The following MMP26 variants were observed in gnomAD, a reference collection of about 807,000 sequenced individuals.
The protein encoded by MMP26 is matrix metallopeptidase 26.
A neutral mutation model predicts 31.0 loss-of-function variants in MMP26; 33 were observed. The observed-to-expected ratio is 1.06, with a 90% CI of 0.81 to 1.42. The LOEUF (loss-of-function observed/expected upper bound fraction) is 1.42, where lower values mean the gene tolerates loss of function less well. Ranked by LOEUF, MMP26 falls within the 40% of genes most tolerant of loss-of-function variation. MMP26 has a pLI of 0.00. For synonymous variants in MMP26, 122 were observed against 114.9 expected (o/e 1.06, Z -0.40); for missense variants, 347 against 316.1 (o/e 1.10, Z -0.74).
chr11:4,927,946 C>A (rs1851295791), intron 2 of MMP26, among the ~76,000 whole-genome samples: 1 of 152,000 alleles, frequency 6.6e-6, no homozygotes, highest in South Asian at 2.1e-4. Context: ...CTAAATGATA[C>A]TTTCAAGATG....
intron 2 of MMP26, among the ~76,000 whole-genome samples, chr11:4,931,702 G>A (rs561645693): frequency 6.6e-6 from 1 of 152,064 alleles, no homozygotes; most frequent in Non-Finnish European, 1.5e-5. Context: ...AATACTGAAG[G>A]TGCAGCAAGG....
chr11:4,930,040 A>G (rs1851324657), intron 2 of MMP26, among the ~76,000 whole-genome samples: 1 of 152,136 alleles, frequency 6.6e-6, no homozygotes, highest in South Asian at 2.1e-4. Context: ...ATTTATGACT[A>G]TATACAGATA....
chr11:4,796,145 T>C (rs1390283949), intron 2 of MMP26, among the ~76,000 whole-genome samples: 1 of 152,190 alleles, frequency 6.6e-6, no homozygotes, highest in Non-Finnish European at 1.5e-5. Flanking sequence ...AGAGCCTGTC[T>C]GTTGCTCTAC....
rs555487905 is a variant in MMP26, at chr11:4,901,533, T to C, written c.-144-86535T>C. Among the ~76,000 whole-genome samples the C allele has an allele frequency of 2.6e-5, 4 of 152,234 alleles. No homozygotes were observed. In the South Asian group the frequency reaches 8.3e-4, roughly 32 times the overall value. On this transcript the variant is annotated intron_variant, in intron 2 of 7. Transcript: ENST00000380390. ...AGCATGGGCATACGTCTTTCTGTTA[T>C]GTGAGTAGAATTAGCACTCAAAGTG...
At chr11:4,872,498 C>T (rs1850323972) in intron 2 of MMP26, among the ~76,000 whole-genome samples, 1 of 151,908 alleles carries the variant, frequency 6.6e-6, no homozygotes, top group Non-Finnish European at 1.5e-5. Context: ...TGTCCCCCTC[C>T]CCCACTCACC....
chr11:4,917,798 A>G lies in MMP26; in HGVS notation c.-144-70270A>G, dbSNP rs139282316. 2.9e-3 allele frequency among the ~76,000 whole-genome samples: 435 copies of G among 152,170 alleles called. 3 individuals are homozygous for G. Among genetic ancestry groups the G allele is most frequent in the African/African-American group, 0.01 (420 of 41,554 alleles). ...TTGATGTAATAGTCTCTAATTGTTCAGTGTTTTCATTGCACTATGAAATTC... is the reference window on the plus strand; with the variant it reads ...TTGATGTAATAGTCTCTAATTGTTCGGTGTTTTCATTGCACTATGAAATTC... On this transcript the variant is annotated intron_variant, in intron 2 of 7. Coordinates refer to ENST00000380390, the MANE Select transcript of MMP26 (RefSeq NM_021801.5).
At chr11:4,912,775 T>G (rs1851010591) in intron 2 of MMP26, 1 of 152,164 alleles carries the variant, frequency 6.6e-6, no homozygotes, top group Non-Finnish European at 1.5e-5. Flanking sequence ...TTTCTTTAAT[T>G]ACATTGTTTT....
intron 2 of MMP26, among the ~76,000 whole-genome samples, chr11:4,826,303 T>G (rs1490421646): frequency 6.6e-6 from 1 of 152,118 alleles, no homozygotes; most frequent in Non-Finnish European, 1.5e-5. Flanking sequence ...TGGCTGTACC[T>G]GGGGTGGCTC....
At chr11:4,835,754 C>T (rs1468789735) in intron 2 of MMP26, among the ~76,000 whole-genome samples, 1 of 152,160 alleles carries the variant, frequency 6.6e-6, no homozygotes, top group East Asian at 1.9e-4. Context: ...TTGCAGCTTT[C>T]TGTCTATAAA....
At chr11:4,840,587 C>T (rs1290621394) in intron 2 of MMP26, among the ~76,000 whole-genome samples, 2 of 152,178 alleles carry the variant, frequency 1.3e-5, no homozygotes, top group Admixed American at 6.5e-5. Context: ...GGCGGTACCT[C>T]TATGAGTCTA....
chr11:4,978,699 G>A (rs896991805), intron 2 of MMP26, among the ~76,000 whole-genome samples: 5 of 152,160 alleles, frequency 3.3e-5, no homozygotes, highest in Non-Finnish European at 2.9e-5. Context: ...ATTGTCTCAC[G>A]TATCATCACT....
chr11:4,905,506 T>C (rs1850871246), intron 2 of MMP26, among the ~76,000 whole-genome samples: 1 of 152,144 alleles, frequency 6.6e-6, no homozygotes, highest in African/African-American at 2.4e-5. Context: ...CAATTTCCAG[T>C]GTCTCCTGTG....
In MMP26 at chr11:4,719,432, T is replaced by A. The variant is rs1847980768; in HGVS notation, c.-217+14387T>A. The A allele has an allele frequency of 2.6e-5, 4 of 153,532 alleles. No homozygotes were observed. The South Asian group carries it at 8.2e-4, about 31-fold the overall frequency. The allele number at this position is 153,532 out of a possible 1,614,324, so 9.5% of individuals were successfully genotyped here. ...TTTGGGAAGCAGGCCCCACCCTATG[T>A]GCATACTTTGATTGCCAATGCCTAC... On this transcript the variant is annotated intron_variant, in intron 1 of 7. Coordinates refer to ENST00000380390, the MANE Select transcript of MMP26 (RefSeq NM_021801.5).
intron 2 of MMP26, among the ~76,000 whole-genome samples, chr11:4,864,870 T>G (rs982363947): frequency 2.0e-5 from 3 of 152,138 alleles, no homozygotes; most frequent in African/African-American, 4.8e-5. Context: ...GGGAGCTTAA[T>G]CCATCAAAAG....
chr11:4,935,235 A>G lies in MMP26; in HGVS notation c.-144-52833A>G, dbSNP rs1221212580. 2.7e-3 allele frequency among the ~76,000 whole-genome samples: 415 copies of G among 151,058 alleles called. 1 individual carries two copies. The highest frequency in any genetic ancestry group is 9.8e-3 in the African/African-American group (402 of 41,194). ...ATGGAATGTTCTTCCATTTGTTTGT[A>G]TCCTCTTTTATTTCATTGAGCAGTG... On this transcript the variant is annotated intron_variant, in intron 2 of 7. Transcript: ENST00000380390.
intron 1 of MMP26, among the ~76,000 whole-genome samples, chr11:4,746,831 T>TCA (rs3223670): frequency 0.18 from 24,439 of 136,858 alleles, 2,012 homozygotes; most frequent in South Asian, 0.19. Context: ...TAAGTCTCTG[T>TCA]CACACACACA....
intron 2 of MMP26, among the ~76,000 whole-genome samples, chr11:4,890,985 T>TAATAATAATAAC (rs1206119508): frequency 1.7e-5 from 2 of 120,476 alleles, no homozygotes; most frequent in Non-Finnish European, 3.4e-5. Context: ...CTCAGAATAA[T>TAATAATAATAAC]AATAATAATA....
intron 2 of MMP26, among the ~76,000 whole-genome samples, chr11:4,856,248 A>T (rs1253374344): frequency 1.3e-5 from 2 of 152,246 alleles, no homozygotes; most frequent in Admixed American, 1.3e-4. Context: ...AGATGGGCTA[A>T]ATGTTCCAAT....
rs539268071 is a variant in MMP26 at position 4,769,514 on chromosome 11, G to C, written c.-145+2173G>C. 3.7e-6 allele frequency: 6 copies of C among 1,613,722 alleles called. No individual in the cohort carries two copies. In the East Asian group the frequency reaches 6.7e-5, roughly 18 times the overall value. ...GATTCTGGAATTAGTGAGAATGGTA[G>C]TGTACCTCAGAGGGTCACAGATGGC... On this transcript the variant is annotated intron_variant, in intron 2 of 7. Coordinates refer to ENST00000380390, the MANE Select transcript of MMP26 (RefSeq NM_021801.5).
Sources: gnomAD v4.1 joint callset for allele counts (sites outside exome capture counted in the v4.1 genomes callset) on GRCh38, gnomAD v4.1.1 for gene constraint, MANE v1.5 for transcripts, NCBI Gene and HGNC (gene_info 2026-07-23, HGNC 2026-07-21) for gene names.